The following CUX1 variants were observed in gnomAD, a reference collection of about 807,000 sequenced individuals.
CUX1 encodes protein CASP.
Under a neutral mutation model 158.8 loss-of-function variants are expected in CUX1, and 31 were observed. The observed-to-expected ratio is 0.20, with a 90% confidence interval of 0.15 to 0.26. CUX1 has a LOEUF of 0.26. CUX1 is among the 10% of genes least tolerant of loss of function. The pLI is 1.00. For missense variants in CUX1, 1,589 were observed against 2,014.6 expected (o/e 0.79, Z 4.04); for synonymous variants, 879 against 862.1 (o/e 1.02, Z -0.34).
chr7:101,995,987 C>G (rs998722841), intron 2 of CUX1, among the ~76,000 whole-genome samples: 1 of 152,036 alleles, frequency 6.6e-6, no homozygotes, highest in Non-Finnish European at 1.5e-5. Flanking sequence ...GTGGTGCACA[C>G]CTGTAGCCCA....
chr7:102,249,101 G>C lies in CUX1; in HGVS notation c.*59G>C. On this transcript the variant is annotated 3_prime_UTR_variant, in exon 24 of 24. Coordinates refer to ENST00000292535, the MANE Select transcript of CUX1 (RefSeq NM_181552.4). ...GGCCGCAAGGGCCTGGACGGGGTCGGACGGGGCAGGCGCTGCGGACACCGT... is the reference window on the plus strand; with the variant it reads ...GGCCGCAAGGGCCTGGACGGGGTCGCACGGGGCAGGCGCTGCGGACACCGT... 8.3e-7 allele frequency: 1 copy of C among 1,206,154 alleles called. No homozygotes were observed. 74.7% of individuals were successfully genotyped at this position (1,206,154 alleles called of 1,614,324 possible). A position where few individuals can be genotyped will look rare whatever the true frequency, so the allele number is the denominator to read the frequency against.
At chr7:101,908,633 C>T (rs1803039034) in intron 1 of CUX1, among the ~76,000 whole-genome samples, 1 of 152,124 alleles carries the variant, frequency 6.6e-6, no homozygotes, top group Non-Finnish European at 1.5e-5. Flanking sequence ...TTCTAAGCCC[C>T]CCACCTCTGT....
chr7:102,019,039 C>G (rs1372208896), intron 2 of CUX1, among the ~76,000 whole-genome samples: 2 of 152,174 alleles, frequency 1.3e-5, no homozygotes, highest in African/African-American at 4.8e-5. Context: ...CAGGCTCCAC[C>G]ATAATCCTGA....
chr7:102,177,371 G>A (rs1374253873), intron 10 of CUX1, among the ~76,000 whole-genome samples: 3 of 148,676 alleles, frequency 2.0e-5, no homozygotes, highest in Non-Finnish European at 4.4e-5. Flanking sequence ...CCGAGATCGC[G>A]CCACTGCACT....
intron 20 of CUX1, among the ~76,000 whole-genome samples, chr7:102,216,587 CACACACACTCCCA>C (rs1797126718): frequency 1.6e-5 from 1 of 61,072 alleles, no homozygotes; most frequent in African/African-American, 5.5e-5. Flanking sequence ...CACTCTCCCA[CACACACACTCCCA>C]CACACACACA....
intron 4 of CUX1, among the ~76,000 whole-genome samples, chr7:102,084,281 A>AAT (rs200504766): frequency 0.13 from 18,559 of 148,002 alleles, 1,525 homozygotes; most frequent in Non-Finnish European, 0.18. Flanking sequence ...CAAATAATAA[A>AAT]ATATATAAAT....
intron 2 of CUX1, among the ~76,000 whole-genome samples, chr7:102,021,102 C>G (rs1819282932): frequency 6.6e-6 from 1 of 151,662 alleles, no homozygotes; most frequent in Non-Finnish European, 1.5e-5. Flanking sequence ...TTCAGCCCCT[C>G]ACTACCCCCA....
intron 2 of CUX1, among the ~76,000 whole-genome samples, chr7:101,981,014 G>A (rs1813372519): frequency 6.6e-6 from 1 of 152,202 alleles, no homozygotes; most frequent in African/African-American, 2.4e-5. Flanking sequence ...AAAAGTCATT[G>A]TGGTTTTTGC....
At chr7:101,984,702 A>G (rs1814052566) in intron 2 of CUX1, among the ~76,000 whole-genome samples, 1 of 152,120 alleles carries the variant, frequency 6.6e-6, no homozygotes, top group Non-Finnish European at 1.5e-5. Flanking sequence ...TCAGTGAAAA[A>G]TGCTGGAGGT....
At chr7:101,835,948 C>T (rs1199906843) in intron 1 of CUX1, among the ~76,000 whole-genome samples, 3 of 152,178 alleles carry the variant, frequency 2.0e-5, no homozygotes, top group Admixed American at 2.0e-4. Context: ...AAGCTGGTCT[C>T]GAATTCCTGA....
chr7:102,109,581 C>T (rs974855455), intron 6 of CUX1, among the ~76,000 whole-genome samples: 2 of 152,000 alleles, frequency 1.3e-5, no homozygotes, highest in African/African-American at 2.4e-5. Flanking sequence ...GCCAGGAGTT[C>T]GAGACCAGCC....
rs868996135 is a variant in CUX1, at chr7:102,152,320, C to A, written c.675-6240C>A. On this transcript the variant is annotated intron_variant, in intron 8 of 23. Transcript: ENST00000292535. ...GCAGTGAGCTATGATCGCACCACTG[C>A]ACTCCATCCTGGGCAACAGAACCAG... 2.0e-5 allele frequency among the ~76,000 whole-genome samples: 3 copies of A among 152,290 alleles called. No homozygotes were observed. The South Asian group carries it at 6.2e-4, about 32-fold the overall frequency.
chr7:101,823,552 A>T (rs1207147144), intron 1 of CUX1, among the ~76,000 whole-genome samples: 1 of 152,186 alleles, frequency 6.6e-6, no homozygotes, highest in East Asian at 1.9e-4. Context: ...TGATGCAGTT[A>T]ACAAAGCAGG....
chr7:101,932,298 C>T, intron 2 of CUX1: 1 of 195,476 alleles, frequency 5.1e-6, no homozygotes, highest in South Asian at 8.8e-5. Context: ...AAATATGGGG[C>T]CGGCGTCAGC....
intron 1 of CUX1, among the ~76,000 whole-genome samples, chr7:101,903,432 C>T (rs914254562): frequency 6.6e-6 from 1 of 152,074 alleles, no homozygotes; most frequent in South Asian, 2.1e-4. Flanking sequence ...GGGAGCACTG[C>T]GTGTGCCTAC....
chr7:102,122,051 G>A (rs1421647478), intron 8 of CUX1, among the ~76,000 whole-genome samples: 1 of 152,124 alleles, frequency 6.6e-6, no homozygotes, highest in Non-Finnish European at 1.5e-5. Context: ...GTAGAGCCCG[G>A]TTGAGTAAAC....
rs1213718247 is a variant in CUX1, at chr7:101,916,007, G to C, written c.31-108G>C. ...TCTGCCAATGAGTTGATGTTCCTTA[G>C]AGCCACTGGGGTCTCTCCCCCAGTG... is the stretch of plus-strand genomic sequence containing the variant. On this transcript the variant is annotated intron_variant, in intron 1 of 23. Coordinates refer to ENST00000292535, the MANE Select transcript of CUX1 (RefSeq NM_181552.4). This position sits in a 1 kb window ranked among gnomAD's most constrained non-coding sequence, Gnocchi z 4.4. 1.1e-5 allele frequency: 8 copies of C among 751,270 alleles called. No individual in the cohort carries two copies. Among genetic ancestry groups the C allele is most frequent in the Middle Eastern group, 2.4e-4 (1 of 4,162 alleles). The allele number at this position is 751,270 out of a possible 1,614,324, so 46.5% of individuals were successfully genotyped here.
At chr7:102,044,817 G>A (rs1305478237) in intron 3 of CUX1, among the ~76,000 whole-genome samples, 1 of 152,108 alleles carries the variant, frequency 6.6e-6, no homozygotes, top group African/African-American at 2.4e-5. Context: ...TGGGTTTGTG[G>A]CCAGACAGGC....
At chr7:102,236,680 C>T (rs918479694) in intron 22 of CUX1, among the ~76,000 whole-genome samples, 2 of 152,160 alleles carry the variant, frequency 1.3e-5, no homozygotes, top group Admixed American at 6.5e-5. Flanking sequence ...TCCCCTCACC[C>T]GAGCAGCGTG....
Sources: gnomAD v4.1 joint callset for allele counts (sites outside exome capture counted in the v4.1 genomes callset) on GRCh38, gnomAD v4.1.1 for gene constraint, Gnocchi (gnomAD v3.1) non-coding constraint, MANE v1.5 for transcripts, NCBI Gene and HGNC (gene_info 2026-07-23, HGNC 2026-07-21) for gene names.